TMEM131L: variants seen among roughly 807,000 people sequenced by gnomAD.
TMEM131L encodes transmembrane 131 like.
In TMEM131L, 54 loss-of-function variants were observed where a neutral mutation model predicts 192.2. That is an observed-to-expected ratio of 0.28 (90% CI 0.23 to 0.35). TMEM131L has a LOEUF of 0.35. Ranked by LOEUF, TMEM131L falls within the 10% of genes least tolerant of loss-of-function variation. The pLI is 1.00. For synonymous variants in TMEM131L, 701 were observed against 704.9 expected (o/e 0.99, Z 0.09); for missense variants, 1,888 against 1,972.9 (o/e 0.96, Z 0.82).
chr4:153,471,009 C>T (rs1420549789), intron 2 of TMEM131L, among the ~76,000 whole-genome samples: 3 of 146,694 alleles, frequency 2.0e-5, no homozygotes, highest in African/African-American at 7.8e-5. Flanking sequence ...TTTTTTGAGA[C>T]TGAGTGTTGC....
chr4:153,586,424 C>T (rs746983754), intron 14 of TMEM131L, 45 bp downstream of exon 14: 1 of 1,430,702 alleles, frequency 7.0e-7, no homozygotes, highest in Non-Finnish European at 9.4e-7. Flanking sequence ...TTCTTAATTA[C>T]TGTTGCTTTT....
chr4:153,584,339 T>C (rs1232796377), intron 11 of TMEM131L, among the ~76,000 whole-genome samples: 11 of 152,228 alleles, frequency 7.2e-5, no homozygotes, highest in Non-Finnish European at 2.9e-5. Flanking sequence ...CATTTTTTTG[T>C]TAGTGTTTGA....
chr4:153,599,748 C>T (rs1731702118), intron 21 of TMEM131L, among the ~76,000 whole-genome samples: 1 of 152,136 alleles, frequency 6.6e-6, no homozygotes, highest in Admixed American at 6.5e-5. Context: ...AGCCACTAGC[C>T]ACATGTGGTT....
Position 153,603,855 on chromosome 4 carries a change from G to A in TMEM131L, c.2843G>A (p.Gly948Glu). The change falls in exon 25 of 35, where the codon GGG becomes GAG. Residue 948 changes from glycine to glutamate, a missense_variant. By Grantham distance (98) the Gly-to-Glu change is moderately conservative. Coordinates refer to ENST00000409959, the MANE Select transcript of TMEM131L (RefSeq NM_001131007.2). Reference sequence around the variant, plus strand: ...TATGGCCCCTCTGATAAAGGCAGGGGGAAGAACTGCCTTCCAGTGAACACT... The same window carrying A: ...TATGGCCCCTCTGATAAAGGCAGGGAGAAGAACTGCCTTCCAGTGAACACT... ...DTYGPSDKGR[G>E]KNCLPVNTPQ... 2 of 1,612,710 alleles carry A rather than the reference G, an allele frequency of 1.2e-6. No homozygotes were observed. The highest frequency in any genetic ancestry group is 1.7e-6 in the Non-Finnish European group (2 of 1,179,456).
chr4:153,505,577 C>T (rs962521834), intron 3 of TMEM131L, among the ~76,000 whole-genome samples: 21 of 152,124 alleles, frequency 1.4e-4, no homozygotes, highest in Admixed American at 2.0e-4. Flanking sequence ...CATAATTCAG[C>T]CCATAACATG....
intron 3 of TMEM131L, among the ~76,000 whole-genome samples, chr4:153,529,936 A>G (rs1295147175): frequency 1.3e-5 from 2 of 152,210 alleles, no homozygotes; most frequent in African/African-American, 4.8e-5. Flanking sequence ...CACATGCTTT[A>G]AGGACCATCA....
rs192520117 is a variant in TMEM131L, at chr4:153,535,187, C to T, written c.240-14886C>T. ...CATGGGATTTCCGATGGATGGGATG[C>T]GGGGTGTGAGAAAGAGAACAGTTAG... is the stretch of plus-strand genomic sequence containing the variant. On this transcript the variant is annotated intron_variant, in intron 3 of 34. Coordinates refer to ENST00000409959, the MANE Select transcript of TMEM131L (RefSeq NM_001131007.2). 6.4e-4 allele frequency among the ~76,000 whole-genome samples: 98 copies of T among 152,032 alleles called. 1 individual carries two copies. The highest frequency in any genetic ancestry group is 2.0e-3 in the African/African-American group (82 of 41,464).
intron 3 of TMEM131L, among the ~76,000 whole-genome samples, chr4:153,534,594 C>T (rs534200638): frequency 8.2e-4 from 125 of 152,186 alleles, no homozygotes; most frequent in African/African-American, 2.6e-3. Flanking sequence ...CTACCACGCC[C>T]GGCTAATTTT....
In TMEM131L at chr4:153,591,157, T is replaced by G. The variant is rs558295966; in HGVS notation, c.1775T>G (p.Met592Arg). ...LPRLIAEPGLMLNFSATALRS... is the reference protein window; with the variant it reads ...LPRLIAEPGLRLNFSATALRS... ...CGTTTGATCGCAGAGCCTGGCCTCA[T>G]GTTAAACTTCAGCGCAACTGCCCTT... The change falls in exon 17 of 35, where the codon ATG becomes AGG. Residue 592 changes from methionine to arginine, a missense_variant. Physicochemically the swap from Met to Arg is moderately conservative, Grantham distance 91. Transcript: ENST00000409959. 22 of 1,610,106 alleles carry G rather than the reference T, an allele frequency of 1.4e-5. No individual in the cohort carries two copies. In the South Asian group the frequency reaches 2.0e-4, roughly 15 times the overall value.
chr4:153,559,889 C>A (rs1330676295), intron 7 of TMEM131L, among the ~76,000 whole-genome samples: 1 of 152,154 alleles, frequency 6.6e-6, no homozygotes, highest in Non-Finnish European at 1.5e-5. Context: ...TCTTCAGCCC[C>A]AGTGCTCACC....
At chr4:153,583,054 G>A (rs1730470383) in intron 9 of TMEM131L, 136 bp from the exon 10 acceptor site, 1 of 600,540 alleles carries the variant, frequency 1.7e-6, no homozygotes, top group Non-Finnish European at 3.0e-6. Context: ...TTTCAGTTTT[G>A]AGAAACAAGT....
chr4:153,550,651 T>A (rs1222664482), intron 4 of TMEM131L, among the ~76,000 whole-genome samples: 3 of 146,780 alleles, frequency 2.0e-5, no homozygotes, highest in African/African-American at 8.0e-5. Context: ...TAAGTATACC[T>A]TTTAATATTT....
At chr4:153,621,559 AGAG>A (rs1052929020) in intron 27 of TMEM131L, 121 bp from the exon 28 acceptor site, 7 of 859,956 alleles carry the variant, frequency 8.1e-6, no homozygotes, top group Admixed American at 2.7e-5. Flanking sequence ...AGACCCAAAG[AGAG>A]GAGGACTCCT....
chr4:153,588,821 C>A, intron 15 of TMEM131L, 69 bp from the exon 16 acceptor site: 1 of 835,898 alleles, frequency 1.2e-6, no homozygotes, highest in Non-Finnish European at 2.0e-6. Context: ...ATATTAAGCC[C>A]TTGGCATTAT....
At chr4:153,626,124 A>G (rs1733826023) in intron 29 of TMEM131L, 23 bp from the exon 30 acceptor site, 1 of 1,521,604 alleles carries the variant, frequency 6.6e-7, no homozygotes, top group Non-Finnish European at 9.1e-7. Flanking sequence ...GAAACTTGTG[A>G]TAATGTGTTT....
intron 16 of TMEM131L, among the ~76,000 whole-genome samples, chr4:153,590,334 G>C (rs2150827570): frequency 6.6e-6 from 1 of 152,322 alleles, no homozygotes; most frequent in Non-Finnish European, 1.5e-5. Context: ...GCAAGAATAT[G>C]AGTTATCTGG....
chr4:153,473,619 C>T (rs1731311568), intron 2 of TMEM131L, among the ~76,000 whole-genome samples: 1 of 152,166 alleles, frequency 6.6e-6, no homozygotes, highest in African/African-American at 2.4e-5. Flanking sequence ...CAGTGAAACC[C>T]TGTTTCTACT....
chr4:153,526,167 C>G (rs1222201006), intron 3 of TMEM131L, among the ~76,000 whole-genome samples: 1 of 152,134 alleles, frequency 6.6e-6, no homozygotes, highest in East Asian at 1.9e-4. Context: ...TGCTACTCCA[C>G]TTTTCTAACA....
intron 26 of TMEM131L, among the ~76,000 whole-genome samples, chr4:153,619,193 T>C (rs535017704): frequency 1.3e-5 from 2 of 152,160 alleles, no homozygotes; most frequent in Non-Finnish European, 2.9e-5. Flanking sequence ...CAGACCCCAC[T>C]GAGAGACTGA....
Sources: allele counts gnomAD v4.1 joint callset (sites outside exome capture counted in the v4.1 genomes callset), GRCh38; gene constraint gnomAD v4.1.1; transcripts MANE v1.5; gene names NCBI Gene and HGNC (gene_info 2026-07-23, HGNC 2026-07-21).